The following DYNC1H1 variants were observed in gnomAD, a reference collection of about 807,000 sequenced individuals.
DYNC1H1 encodes cytoplasmic dynein 1 heavy chain 1.
A neutral mutation model predicts 527.1 loss-of-function variants in DYNC1H1; 51 were observed. That is an observed-to-expected ratio of 0.10 (90% CI 0.08 to 0.12). The LOEUF is 0.12. Ranked by LOEUF, DYNC1H1 falls within the 10% of genes least tolerant of loss-of-function variation. The probability of loss-of-function intolerance (pLI) is 1.00; values close to 1 mark genes in which losing one functional copy is unlikely to be tolerated. For synonymous variants in DYNC1H1, 2,189 were observed against 2,278.8 expected, an observed-to-expected ratio of 0.96 and a Z score of 1.12; for missense variants, 2,771 against 5,971.8, an observed-to-expected ratio of 0.46 and a Z score of 17.66.
In DYNC1H1 at chr14:101,997,424, T is replaced by C. The variant is rs2141282897; in HGVS notation, c.3804+150T>C. The C allele has an allele frequency of 1.4e-6, 2 of 1,407,106 alleles. No homozygotes were observed. The highest frequency in any genetic ancestry group is 5.0e-5 in the East Asian group (2 of 39,928). 87.2% of individuals were successfully genotyped at this position (1,407,106 alleles called of 1,614,324 possible). A position where few individuals can be genotyped will look rare whatever the true frequency, so the allele number is the denominator to read the frequency against. On this transcript the variant is annotated intron_variant, in intron 16 of 77. Coordinates refer to ENST00000360184, the MANE Select transcript of DYNC1H1 (RefSeq NM_001376.5). This position sits in a 1 kb window ranked among gnomAD's most constrained non-coding sequence, Gnocchi z 4.8. ...TTGTAGTTAAAAAAGCAGATGGAGATAGCAAATGTGAAAATATGAAGCCCA... is the reference window on the plus strand; with the variant it reads ...TTGTAGTTAAAAAAGCAGATGGAGACAGCAAATGTGAAAATATGAAGCCCA...
chr14:102,017,517 G>T lies in DYNC1H1; in HGVS notation c.8177+13G>T. The T allele has an allele frequency of 1.2e-6, 2 of 1,613,314 alleles. No individual in the cohort carries two copies. Among genetic ancestry groups the T allele is most frequent in the Non-Finnish European group, 1.7e-6 (2 of 1,179,952 alleles). On this transcript the variant is annotated intron_variant, in intron 40 of 77. Coordinates refer to ENST00000360184, the MANE Select transcript of DYNC1H1 (RefSeq NM_001376.5). The surrounding 1 kb of genome is among the most constrained non-coding windows in gnomAD (Gnocchi z 4.6). Reference sequence around the variant, plus strand: ...CCCTCTCACACAGGTAAAACAGCTCGGTAGACTGCTCTGCTTCACACACGC... The same window carrying T: ...CCCTCTCACACAGGTAAAACAGCTCTGTAGACTGCTCTGCTTCACACACGC...
At position 102,042,846 on chromosome 14, in the gene DYNC1H1, C is replaced by G. The variant is rs966794643; in HGVS notation, c.12513+98C>G. On this transcript the variant is annotated intron_variant, in intron 69 of 77. Transcript: ENST00000360184. The surrounding 1 kb of genome is among the most constrained non-coding windows in gnomAD (Gnocchi z 5.7). ...TGGGTCCCTGGGCCCCCGGAAGTGC[C>G]GTGTGGTGAACTGCACAGCTGCTTT... 2.9e-6 allele frequency: 4 copies of G among 1,375,068 alleles called. No homozygotes were observed. Among genetic ancestry groups the G allele is most frequent in the Non-Finnish European group, 3.0e-6 (3 of 984,442 alleles). 85.2% of individuals were successfully genotyped at this position (1,375,068 alleles called of 1,614,324 possible).
intron 7 of DYNC1H1, among the ~76,000 whole-genome samples, chr14:101,984,707 C>T (rs1374768392): frequency 1.3e-5 from 2 of 150,606 alleles, no homozygotes; most frequent in African/African-American, 2.4e-5. Flanking sequence ...CCGAGGCAGG[C>T]GGATCACGAG....
At chr14:102,022,518 A>T (rs988699579) in intron 42 of DYNC1H1, among the ~76,000 whole-genome samples, 1 of 151,968 alleles carries the variant, frequency 6.6e-6, no homozygotes, top group African/African-American at 2.4e-5. Flanking sequence ...AAAAAAAAAA[A>T]AAAGTGAGAC....
In DYNC1H1 at chr14:101,985,845, A is replaced by G. The variant is rs1213499788; in HGVS notation, c.1620A>G (p.Lys540=). ...VKEVDGLDVS[K]EGTEAWEAAM... The stretch of plus-strand genomic sequence containing the variant: ...AAGTGGATGGACTGGATGTTTCCAA[A>G]GAGGGCACGGAAGCCTGGGAGGCTG... Residue 540 remains lysine (K), a synonymous_variant, in exon 8 of 78, where the codon AAA becomes AAG. Coordinates refer to ENST00000360184, the MANE Select transcript of DYNC1H1 (RefSeq NM_001376.5). This position sits in a 1 kb window ranked among gnomAD's most constrained non-coding sequence, Gnocchi z 5.9. 1.3e-5 allele frequency: 21 copies of G among 1,614,176 alleles called. No homozygotes were observed. The highest frequency in any genetic ancestry group is 1.8e-5 in the Non-Finnish European group (21 of 1,180,020).
chr14:101,979,587 G>A lies in DYNC1H1; in HGVS notation c.518+95G>A. The A allele has an allele frequency of 6.2e-7, 1 of 1,606,738 alleles. No individual in the cohort carries two copies. The highest frequency in any genetic ancestry group is 1.7e-5 in the Admixed American group (1 of 59,968). On this transcript the variant is annotated intron_variant, in intron 3 of 77. Coordinates refer to ENST00000360184, the MANE Select transcript of DYNC1H1 (RefSeq NM_001376.5). The surrounding 1 kb of genome is among the most constrained non-coding windows in gnomAD (Gnocchi z 4.6). Reference sequence around the variant, plus strand: ...CTTGGGAATTGGGAGGGTAACGCTAGTGAGCCGAGGGGATATAAACCCTGT... The same window carrying A: ...CTTGGGAATTGGGAGGGTAACGCTAATGAGCCGAGGGGATATAAACCCTGT...
rs1007361669 is a variant in DYNC1H1 at position 102,050,092 on chromosome 14, C to T, written c.13706C>T (p.Thr4569Met). 1.2e-5 allele frequency: 20 copies of T among 1,614,132 alleles called. No homozygotes were observed. The highest frequency in any genetic ancestry group is 1.5e-5 in the Non-Finnish European group (18 of 1,180,030). The change falls in exon 77 of 78, where the codon ACG (threonine) becomes ATG (methionine). Residue 4569 changes from threonine to methionine, a missense_variant. Transcript: ENST00000360184. ...GVTGLKLQGA[T>M]CNNNKLSLSN... is the part of the protein sequence containing the mutation. ...ACAGGTTTGAAACTTCAAGGGGCCA[C>T]GTGCAACAACAACAAGCTGTCACTG...
Position 101,976,817 on chromosome 14 carries a change from C to T in DYNC1H1, c.344+1018C>T, listed in dbSNP as rs539233031. On this transcript the variant is annotated intron_variant, in intron 2 of 77. Coordinates refer to ENST00000360184, the MANE Select transcript of DYNC1H1 (RefSeq NM_001376.5). ...ACCAACCACAGATAGAAAATATTTG[C>T]GGGAAAAAAGCAATACATACAATAC... Among the ~76,000 whole-genome samples, 9 of 151,992 alleles carry T rather than the reference C, an allele frequency of 5.9e-5. No homozygotes were observed. The South Asian group carries it at 8.3e-4, about 14-fold the overall frequency.
At chr14:101,967,484 T>A (rs1274799790) in intron 1 of DYNC1H1, among the ~76,000 whole-genome samples, 1 of 152,254 alleles carries the variant, frequency 6.6e-6, no homozygotes, top group Non-Finnish European at 1.5e-5. Flanking sequence ...TGAAACTATA[T>A]ATATTTTTTA....
At chr14:101,990,206 C>T (rs1288246913) in intron 10 of DYNC1H1, among the ~76,000 whole-genome samples, 1 of 152,338 alleles carries the variant, frequency 6.6e-6, no homozygotes, top group South Asian at 2.1e-4. Context: ...GTGTAAAGCA[C>T]TGGCAGGTGG....
chr14:102,036,355 C>T lies in DYNC1H1; in HGVS notation c.10755-134C>T. On this transcript the variant is annotated intron_variant, in intron 56 of 77. Transcript: ENST00000360184. The surrounding 1 kb of genome is among the most constrained non-coding windows in gnomAD (Gnocchi z 5.6). Reference sequence around the variant, plus strand: ...TAAGCTTTATTGGTAAACCTGAAAACGTCTCCGGAAACCACTCTCGGGTGG... The same window carrying T: ...TAAGCTTTATTGGTAAACCTGAAAATGTCTCCGGAAACCACTCTCGGGTGG... 2 of 1,142,782 alleles carry T rather than the reference C, an allele frequency of 1.8e-6. No individual in the cohort carries two copies. Among genetic ancestry groups the T allele is most frequent in the Non-Finnish European group, 2.6e-6 (2 of 770,628 alleles). 70.8% of individuals were successfully genotyped at this position (1,142,782 alleles called of 1,614,324 possible).
intron 43 of DYNC1H1, 25 bp downstream of exon 43, chr14:102,022,905 CAT>C (rs2048402569): frequency 6.2e-7 from 1 of 1,614,100 alleles, no homozygotes; most frequent in East Asian, 2.2e-5. Context: ...TCATTTCAGA[CAT>C]ACTTCTTTTT....
chr14:102,050,512 G>A lies in DYNC1H1; in HGVS notation c.13890G>A (p.Glu4630=), dbSNP rs1369279982. 2.5e-6 allele frequency: 4 copies of A among 1,614,092 alleles called. No individual in the cohort carries two copies. The African/African-American group carries it at 4.0e-5, about 16-fold the overall frequency. ...FTVDFEIATK[E]DPRSFYERGV... ...TGGACTTCGAAATTGCTACAAAGGAGGATCCTCGCAGCTTCTACGAGCGGG... is the reference window on the plus strand; with the variant it reads ...TGGACTTCGAAATTGCTACAAAGGAAGATCCTCGCAGCTTCTACGAGCGGG... The change falls in exon 78 of 78, where the codon GAG becomes GAA. Residue 4630 remains glutamate (E), a synonymous_variant. Coordinates refer to ENST00000360184, the MANE Select transcript of DYNC1H1 (RefSeq NM_001376.5).
At position 101,965,339 on chromosome 14, in the gene DYNC1H1, G is replaced by A. The variant is rs1268335311; in HGVS notation, c.256+392G>A. ...GACAGCGTCTCCCTGGGCTGAGAGCGGGCGAGGCCGCATCCCTGCCTCCAG... is the reference window on the plus strand; with the variant it reads ...GACAGCGTCTCCCTGGGCTGAGAGCAGGCGAGGCCGCATCCCTGCCTCCAG... On this transcript the variant is annotated intron_variant, in intron 1 of 77. Coordinates refer to ENST00000360184, the MANE Select transcript of DYNC1H1 (RefSeq NM_001376.5). This position sits in a 1 kb window ranked among gnomAD's most constrained non-coding sequence, Gnocchi z 4.1. 1.3e-5 allele frequency among the ~76,000 whole-genome samples: 2 copies of A among 152,228 alleles called. No individual in the cohort carries two copies. Among genetic ancestry groups the A allele is most frequent in the Non-Finnish European group, 2.9e-5 (2 of 68,038 alleles).
At position 102,040,287 on chromosome 14, in the gene DYNC1H1, T is replaced by G. The variant is rs768291996; in HGVS notation, c.11742T>G (p.Ile3914Met). The G allele has an allele frequency of 2.5e-6, 4 of 1,614,158 alleles. No individual in the cohort carries two copies. In the East Asian group the frequency reaches 8.9e-5, roughly 36 times the overall value. The change falls in exon 63 of 78, where the codon ATT becomes ATG. Residue 3914 changes from isoleucine to methionine, a missense_variant. Around this residue, in one of 32 missense-constraint regions of DYNC1H1, gnomAD observed 120 missense variants for 161.9 expected, o/e 0.74. Coordinates refer to ENST00000360184, the MANE Select transcript of DYNC1H1 (RefSeq NM_001376.5). Reference protein sequence around the residue: ...EFQHFLRGNEIVLSAGSTPRI... With the variant: ...EFQHFLRGNEMVLSAGSTPRI... ...AGCACTTCTTGAGAGGAAATGAGATTGTCCTGAGTGCTGGCTCCACCCCCA... is the reference window on the plus strand; with the variant it reads ...AGCACTTCTTGAGAGGAAATGAGATGGTCCTGAGTGCTGGCTCCACCCCCA...
intron 23 of DYNC1H1, among the ~76,000 whole-genome samples, chr14:102,004,016 C>T (rs1483092553): frequency 5.3e-5 from 8 of 151,748 alleles, no homozygotes; most frequent in Non-Finnish European, 8.8e-5. Flanking sequence ...CCGAGGCGGG[C>T]GGATCACGAG....
chr14:101,990,590 T>A (rs1386353503), intron 10 of DYNC1H1, among the ~76,000 whole-genome samples: 1 of 152,152 alleles, frequency 6.6e-6, no homozygotes, highest in Non-Finnish European at 1.5e-5. Flanking sequence ...ACTATTTTAT[T>A]GAGGCCAGAC....
chr14:102,043,424 C>T (rs17541568), intron 69 of DYNC1H1: 73 of 302,682 alleles, frequency 2.4e-4, no homozygotes, highest in African/African-American at 1.4e-3. Flanking sequence ...AGCAGAGATG[C>T]CCACGGAGAA....
chr14:102,030,057 A>AGTGTGTGTGTGTGT lies in DYNC1H1; in HGVS notation c.9763-98_9763-85dup, dbSNP rs3830916. The AGTGTGTGTGTGTGT allele has an allele frequency of 4.0e-4, 615 of 1,520,510 alleles. No homozygotes were observed. The African/African-American group carries it at 7.3e-3, about 18-fold the overall frequency. 94.2% of individuals were successfully genotyped at this position (1,520,510 alleles called of 1,614,324 possible). A position where few individuals can be genotyped will look rare whatever the true frequency, so the allele number is the denominator to read the frequency against. On this transcript the variant is annotated intron_variant, in intron 50 of 77. Coordinates refer to ENST00000360184, the MANE Select transcript of DYNC1H1 (RefSeq NM_001376.5). ...TAGAGAGAGGGAGGGAGGGAGAGAG[A>AGTGTGTGTGTGTGT]GTGTGTGTGTGTGTGTGTGTTGGCA...
Sources: gnomAD v4.1 joint callset for allele counts (sites outside exome capture counted in the v4.1 genomes callset) on GRCh38, gnomAD v4.1.1 for gene constraint, gnomAD v4.1.1 regional missense constraint, Gnocchi (gnomAD v3.1) non-coding constraint, MANE v1.5 for transcripts, NCBI Gene and HGNC (gene_info 2026-07-23, HGNC 2026-07-21) for gene names.